SLC35F5: variants seen among roughly 807,000 people sequenced by gnomAD.
The protein encoded by SLC35F5 is HCV NS5A-transactivated protein 3.
SLC35F5 carries 54 observed loss-of-function variants against 68.6 expected under a neutral mutation model. The ratio of observed to expected loss-of-function variants is 0.79; its 90% confidence interval spans 0.63 to 0.99. SLC35F5 has a LOEUF of 0.99. Ranked by LOEUF, SLC35F5 falls within the 50% of genes least tolerant of loss-of-function variation. SLC35F5 has a pLI of 0.00. For missense variants in SLC35F5, 567 were observed against 626.9 expected (o/e 0.90, Z 1.02); for synonymous variants, 211 against 205.2 (o/e 1.03, Z -0.24).
At chr2:113,703,016 G>A (rs533611904), downstream of SLC35F5, among the ~76,000 whole-genome samples, 138 of 152,088 alleles carry the variant, frequency 9.1e-4, no homozygotes, top group African/African-American at 3.2e-3. Context: ...AGGCTGAGGT[G>A]GGAGAATCAC....
chr2:113,756,342 A>C, intron 1 of SLC35F5, 28 bp downstream of exon 1: 1 of 1,562,906 alleles, frequency 6.4e-7, no homozygotes, highest in Non-Finnish European at 8.7e-7. Context: ...GGCTCCGGTG[A>C]TGTCGGGGCC....
chr2:113,725,841 TA>T (rs1687641133), intron 11 of SLC35F5: 1 of 208,126 alleles, frequency 4.8e-6, no homozygotes, highest in Non-Finnish European at 9.5e-6. Flanking sequence ...CTACTGATAA[TA>T]TAGTGCCCTA....
At chr2:113,725,638 T>C (rs553429174) in intron 11 of SLC35F5, 101 bp from the exon 12 acceptor site, 4 of 1,136,496 alleles carry the variant, frequency 3.5e-6, no homozygotes, top group Non-Finnish European at 4.9e-6. Context: ...AAAAGCACTC[T>C]GGGAGGTTTC....
chr2:113,751,487 G>GT (rs1676736206), intron 3 of SLC35F5, among the ~76,000 whole-genome samples: 1 of 152,168 alleles, frequency 6.6e-6, no homozygotes. Flanking sequence ...GGACGTAAAT[G>GT]GTGGTCCACG....
chr2:113,736,995 C>G (rs1322869021), intron 7 of SLC35F5, among the ~76,000 whole-genome samples: 1 of 152,096 alleles, frequency 6.6e-6, no homozygotes, highest in East Asian at 1.9e-4. Context: ...TAGTACACAC[C>G]TGCCACCTGG....
At chr2:113,749,239 G>T (rs1352989435) in intron 4 of SLC35F5, among the ~76,000 whole-genome samples, 3 of 152,150 alleles carry the variant, frequency 2.0e-5, no homozygotes, top group Non-Finnish European at 4.4e-5. Context: ...CAGTGGCTCA[G>T]GTCTGTAACC....
chr2:113,756,585 G>A lies in SLC35F5; in HGVS notation c.-176C>T, dbSNP rs1356514590. On this transcript the variant is annotated 5_prime_UTR_variant, in exon 1 of 16. Coordinates refer to ENST00000245680, the MANE Select transcript of SLC35F5 (RefSeq NM_025181.5). ...ACTCCACTCGGCCCAGGAGGGCGTGGAGCGGGTGAGGGGAAGGGACGGCAC... is the reference window on the plus strand; with the variant it reads ...ACTCCACTCGGCCCAGGAGGGCGTGAAGCGGGTGAGGGGAAGGGACGGCAC... 3.5e-6 allele frequency: 5 copies of A among 1,426,134 alleles called. No homozygotes were observed. Among genetic ancestry groups the A allele is most frequent in the South Asian group, 2.9e-5 (2 of 68,572 alleles). The allele number at this position is 1,426,134 out of a possible 1,614,324, so 88.3% of individuals were successfully genotyped here.
At chr2:113,718,356 G>A (rs964482136) in intron 14 of SLC35F5, among the ~76,000 whole-genome samples, 3 of 151,982 alleles carry the variant, frequency 2.0e-5, no homozygotes, top group African/African-American at 7.3e-5. Flanking sequence ...CAGAGTCACT[G>A]GAACCAAGTT....
Position 113,719,229 on chromosome 2 carries a change from T to C in SLC35F5, c.1421A>G (p.Tyr474Cys). ...SFFIVTLLCH[Y>C]NNWDPVMVGI... ...CACCATCACAGGATCCCAATTATTATAATGGCATAGGAGAGTTACAATAAA... is the reference window on the plus strand; with the variant it reads ...CACCATCACAGGATCCCAATTATTACAATGGCATAGGAGAGTTACAATAAA... The change falls in exon 14 of 16, where the codon TAT becomes TGT. Residue 474 changes from tyrosine to cysteine, a missense_variant. Tyr to Cys is a radical substitution (Grantham distance 194). Transcript: ENST00000245680. 1 of 1,607,466 alleles carries C rather than the reference T, an allele frequency of 6.2e-7. No homozygotes were observed. Among genetic ancestry groups the C allele is most frequent in the Non-Finnish European group, 8.5e-7 (1 of 1,178,892 alleles).
intron 2 of SLC35F5, 70 bp downstream of exon 2, chr2:113,755,384 C>A: frequency 1.2e-6 from 2 of 1,604,332 alleles, no homozygotes; most frequent in Non-Finnish European, 1.7e-6. Context: ...ATTAGTATAA[C>A]AGAAACATTT....
At chr2:113,704,755 G>A (rs1431142947), downstream of SLC35F5, among the ~76,000 whole-genome samples, 7 of 152,138 alleles carry the variant, frequency 4.6e-5, no homozygotes, top group Non-Finnish European at 7.4e-5. Flanking sequence ...CGCAAGCACC[G>A]CGCGCAGCCC....
chr2:113,752,241 A>G (rs2104488763), intron 3 of SLC35F5, among the ~76,000 whole-genome samples: 1 of 151,910 alleles, frequency 6.6e-6, no homozygotes. Flanking sequence ...AAAGATTAAT[A>G]AGGCCATATT....
Position 113,719,145 on chromosome 2 carries a change from T to A in SLC35F5, c.1496+9A>T. 1 of 1,602,926 alleles carries A rather than the reference T, an allele frequency of 6.2e-7. No homozygotes were observed. Among genetic ancestry groups the A allele is most frequent in the Non-Finnish European group, 8.5e-7 (1 of 1,177,580 alleles). On this transcript the variant is annotated intron_variant, in intron 14 of 15. Coordinates refer to ENST00000245680, the MANE Select transcript of SLC35F5 (RefSeq NM_025181.5). ...TATTTTTAAAAATGTGTATTGGGAC[T>A]AAACTTACCTCTGAATTCGATGTTT...
At chr2:113,740,794 T>G (rs1450499128) in intron 7 of SLC35F5, among the ~76,000 whole-genome samples, 1 of 152,120 alleles carries the variant, frequency 6.6e-6, no homozygotes, top group Non-Finnish European at 1.5e-5. Context: ...GCCCAGCTAA[T>G]TTTTGTATTT....
At chr2:113,723,876 T>C (rs1461059658) in intron 12 of SLC35F5, among the ~76,000 whole-genome samples, 1 of 152,180 alleles carries the variant, frequency 6.6e-6, no homozygotes, top group Non-Finnish European at 1.5e-5. Flanking sequence ...GAAAATATTA[T>C]ACCCAATGGA....
In SLC35F5 at chr2:113,742,824, C is replaced by T. The variant is rs748315608; in HGVS notation, c.618G>A (p.Pro206=). Residue 206 remains proline (P), a synonymous_variant, in exon 7 of 16, where the codon CCG becomes CCA. Transcript: ENST00000245680. ...ACTTTGCTTCCAATGCATGACTTGACGGAAGCTGTCGAATCTCCATGATAT... is the reference window on the plus strand; with the variant it reads ...ACTTTGCTTCCAATGCATGACTTGATGGAAGCTGTCGAATCTCCATGATAT... ...FSNIMEIRQL[P]SSHALEAKLS... is the part of the protein sequence containing the mutation. 6.2e-6 allele frequency: 10 copies of T among 1,613,978 alleles called. No homozygotes were observed. The highest frequency in any genetic ancestry group is 2.7e-5 in the African/African-American group (2 of 74,896).
At chr2:113,718,309 A>G (rs1251336253) in intron 14 of SLC35F5, among the ~76,000 whole-genome samples, 1 of 151,812 alleles carries the variant, frequency 6.6e-6, no homozygotes, top group Non-Finnish European at 1.5e-5. Context: ...GCTGGTCTTG[A>G]GCTCCTAGCC....
At chr2:113,741,027 C>T (rs1465641888) in intron 7 of SLC35F5, among the ~76,000 whole-genome samples, 1 of 152,018 alleles carries the variant, frequency 6.6e-6, no homozygotes, top group Non-Finnish European at 1.5e-5. Flanking sequence ...TCAAAGTGAC[C>T]CAAGCATCTA....
downstream of SLC35F5, among the ~76,000 whole-genome samples, chr2:113,702,976 G>A (rs1367944085): frequency 1.3e-5 from 2 of 152,024 alleles, no homozygotes; most frequent in African/African-American, 4.8e-5. Flanking sequence ...CAGGCTTGTT[G>A]GTGTGCACCT....
Sources: allele counts gnomAD v4.1 joint callset (sites outside exome capture counted in the v4.1 genomes callset), GRCh38; gene constraint gnomAD v4.1.1; transcripts MANE v1.5; gene names NCBI Gene and HGNC (gene_info 2026-07-23, HGNC 2026-07-21).